The following OR6N1 variants were observed in gnomAD, a reference collection of about 807,000 sequenced individuals.
The protein encoded by OR6N1 is olfactory receptor family 6 subfamily N member 1.
For synonymous variants in OR6N1, 170 were observed against 150.7 expected (o/e 1.13, Z -0.94); for missense variants, 394 against 371.7 (o/e 1.06, Z -0.49).
At chr1:158,784,534 TG>T in the OR6N1 span, among the ~76,000 whole-genome samples, 1 of 152,180 alleles carries the variant, frequency 6.6e-6, no homozygotes, top group African/African-American at 2.4e-5. Flanking sequence ...CCTGTCTAAC[TG>T]TAACTTCATA....
the OR6N1 span, among the ~76,000 whole-genome samples, chr1:158,783,959 A>G: frequency 6.6e-6 from 1 of 152,138 alleles, no homozygotes; most frequent in Admixed American, 6.5e-5. Context: ...ACAAAAAATT[A>G]GCCGGATATG....
the OR6N1 span, among the ~76,000 whole-genome samples, chr1:158,824,269 G>T: frequency 6.6e-6 from 1 of 151,982 alleles, no homozygotes; most frequent in Non-Finnish European, 1.5e-5. Context: ...CTCTCTTTTT[G>T]CCTGCTACCA....
the OR6N1 span, among the ~76,000 whole-genome samples, chr1:158,837,571 C>T: frequency 6.6e-6 from 1 of 151,754 alleles, no homozygotes; most frequent in Non-Finnish European, 1.5e-5. Flanking sequence ...TATTCCTTCA[C>T]TTTCTATCTT....
the OR6N1 span, among the ~76,000 whole-genome samples, chr1:158,798,546 C>A: frequency 6.6e-6 from 1 of 151,372 alleles, no homozygotes; most frequent in Non-Finnish European, 1.5e-5. Context: ...TTATTTATTT[C>A]TAATTTATTT....
intron 1 of OR6N1, among the ~76,000 whole-genome samples, chr1:158,768,382 C>T (rs1657330543): frequency 6.6e-6 from 1 of 152,210 alleles, no homozygotes; most frequent in Admixed American, 6.5e-5. Flanking sequence ...TTCCCCATCA[C>T]AAATGATGGC....
At chr1:158,836,374 G>C in the OR6N1 span, among the ~76,000 whole-genome samples, 1 of 151,790 alleles carries the variant, frequency 6.6e-6, no homozygotes, top group Non-Finnish European at 1.5e-5. Flanking sequence ...TTTATTGAGA[G>C]GTTTTTGACT....
At chr1:158,833,656 A>T in the OR6N1 span, among the ~76,000 whole-genome samples, 1 of 152,192 alleles carries the variant, frequency 6.6e-6, no homozygotes, top group Non-Finnish European at 1.5e-5. Context: ...ATCATGTGTC[A>T]GAATATTCTT....
rs1657197726 is a variant in OR6N1, at chr1:158,764,674, T to G, written c.*1070A>C. On this transcript the variant is annotated 3_prime_UTR_variant, in exon 2 of 2. Transcript: ENST00000641846. ...ATAAAGAATACATAATATTAGCTATTAATTGAATCCCCAGATCTCTCATAT... is the reference window on the plus strand; with the variant it reads ...ATAAAGAATACATAATATTAGCTATGAATTGAATCCCCAGATCTCTCATAT... The G allele has an allele frequency of 6.6e-6, 1 of 152,158 alleles. No individual in the cohort carries two copies. Among genetic ancestry groups the G allele is most frequent in the African/African-American group, 2.4e-5 (1 of 41,450 alleles). The allele number at this position is 152,158 out of a possible 1,614,324, so 9.4% of individuals were successfully genotyped here.
At chr1:158,821,090 T>A in the OR6N1 span, among the ~76,000 whole-genome samples, 7 of 152,242 alleles carry the variant, frequency 4.6e-5, no homozygotes, top group Non-Finnish European at 7.3e-5. Context: ...TCTTCCTGGA[T>A]GTTTTATGGC....
chr1:158,810,334 A>G, the OR6N1 span, among the ~76,000 whole-genome samples: 1 of 151,942 alleles, frequency 6.6e-6, no homozygotes, highest in Non-Finnish European at 1.5e-5. Context: ...ATGACATTAG[A>G]ACTTATAGCA....
chr1:158,813,133 C>T, the OR6N1 span, among the ~76,000 whole-genome samples: 4 of 152,288 alleles, frequency 2.6e-5, no homozygotes, highest in African/African-American at 7.2e-5. Flanking sequence ...GTTGGAGAGG[C>T]TGCAAGGAGC....
At chr1:158,817,377 C>A in the OR6N1 span, among the ~76,000 whole-genome samples, 2 of 152,170 alleles carry the variant, frequency 1.3e-5, no homozygotes, top group Non-Finnish European at 1.5e-5. Flanking sequence ...GAACGTTGAA[C>A]TAAATCATCT....
chr1:158,788,105 C>CAT, the OR6N1 span, among the ~76,000 whole-genome samples: 1 of 152,148 alleles, frequency 6.6e-6, no homozygotes, highest in Non-Finnish European at 1.5e-5. Flanking sequence ...AAATATAAAG[C>CAT]ATATCCTTCA....
chr1:158,771,697 T>A (rs1003155094), intron 1 of OR6N1, among the ~76,000 whole-genome samples: 1 of 152,162 alleles, frequency 6.6e-6, no homozygotes, highest in Non-Finnish European at 1.5e-5. Context: ...TTTTAGAGAT[T>A]ATCACACTCA....
At chr1:158,805,603 C>G in the OR6N1 span, among the ~76,000 whole-genome samples, 8 of 151,980 alleles carry the variant, frequency 5.3e-5, no homozygotes, top group African/African-American at 1.7e-4. Flanking sequence ...TTGAGAAGCT[C>G]TGCGCTAAAG....
chr1:158,785,041 C>T, the OR6N1 span, among the ~76,000 whole-genome samples: 1 of 152,124 alleles, frequency 6.6e-6, no homozygotes, highest in African/African-American at 2.4e-5. Flanking sequence ...AGGGCAGAGG[C>T]CATCTTTGTT....
chr1:158,815,363 G>T, the OR6N1 span, among the ~76,000 whole-genome samples: 1 of 152,096 alleles, frequency 6.6e-6, no homozygotes, highest in African/African-American at 2.4e-5. Flanking sequence ...GTCAATTAAT[G>T]TGAGCCAAGC....
the OR6N1 span, chr1:158,777,352 GC>G: frequency 6.2e-7 from 1 of 1,614,166 alleles, no homozygotes; most frequent in African/African-American, 1.3e-5. Flanking sequence ...GAGGCATCCT[GC>G]AAAAGAAATG....
At chr1:158,811,302 C>T in the OR6N1 span, among the ~76,000 whole-genome samples, 12 of 152,314 alleles carry the variant, frequency 7.9e-5, 1 homozygote, top group African/African-American at 2.6e-4. Flanking sequence ...ATCTCCATCA[C>T]CACTACCCTC....
Sources: gnomAD v4.1 joint callset for allele counts (sites outside exome capture counted in the v4.1 genomes callset) on GRCh38, gnomAD v4.1.1 for gene constraint, MANE v1.5 for transcripts, NCBI Gene and HGNC (gene_info 2026-07-23, HGNC 2026-07-21) for gene names.